DYNC1LI2: variants seen among roughly 807,000 people sequenced by gnomAD.
DYNC1LI2 encodes the protein cytoplasmic dynein 1 light intermediate chain 2.
Under a neutral mutation model 57.8 loss-of-function variants are expected in DYNC1LI2, and 19 were observed. The ratio of observed to expected loss-of-function variants is 0.33; its 90% CI spans 0.23 to 0.48. DYNC1LI2 has a LOEUF of 0.48. Ranked by LOEUF, DYNC1LI2 falls within the 20% of genes least tolerant of loss-of-function variation. DYNC1LI2 has a pLI of 0.99. For missense variants in DYNC1LI2, 470 were observed against 604.2 expected, an observed-to-expected ratio of 0.78 and a Z score of 2.33; for synonymous variants, 256 against 233.4, an observed-to-expected ratio of 1.10 and a Z score of -0.88.
chr16:66,751,396 C>T lies in DYNC1LI2; in HGVS notation c.108-50G>A. Reference sequence around the variant, plus strand: ...TCAGCCCCGGGCCGGGCTGGGATGGCCCGGCTCGCGTCGGCCCCTCAGTGT... The same window carrying T: ...TCAGCCCCGGGCCGGGCTGGGATGGTCCGGCTCGCGTCGGCCCCTCAGTGT... On this transcript the variant is annotated intron_variant, in intron 1 of 12. Transcript: ENST00000258198. The surrounding 1 kb of genome is among the most constrained non-coding windows in gnomAD (Gnocchi z 5.2). The T allele has an allele frequency of 1.9e-6, 3 of 1,598,282 alleles. No homozygotes were observed. The highest frequency in any genetic ancestry group is 2.6e-6 in the Non-Finnish European group (3 of 1,173,920).
In DYNC1LI2 at chr16:66,723,554, G is replaced by A. The variant is rs1364757668; in HGVS notation, c.*168C>T. 13 of 662,398 alleles carry A rather than the reference G, an allele frequency of 2.0e-5. No homozygotes were observed. The Admixed American group carries it at 3.1e-4, about 16-fold the overall frequency. The allele number at this position is 662,398 out of a possible 1,614,324, so 41.0% of individuals were successfully genotyped here. A position where few individuals can be genotyped will look rare whatever the true frequency, so the allele number is the denominator to read the frequency against. On this transcript the variant is annotated 3_prime_UTR_variant, in exon 13 of 13. Coordinates refer to ENST00000258198, the MANE Select transcript of DYNC1LI2 (RefSeq NM_006141.3). ...GGTCTGACATGTAACCTTCCTAAAT[G>A]TGCATTTCACACTCGGACAAGCCAA...
Position 66,751,283 on chromosome 16 carries a change from G to C in DYNC1LI2, c.171C>G (p.Ile57Met). 1 of 1,611,880 alleles carries C rather than the reference G, an allele frequency of 6.2e-7. No individual in the cohort carries two copies. Among genetic ancestry groups the C allele is most frequent in the South Asian group, 1.1e-5 (1 of 90,884 alleles). Residue 57 changes from isoleucine (I) to methionine (M), a missense_variant, in exon 2 of 13, where the codon ATC (isoleucine) becomes ATG (methionine). Physicochemically the swap from Ile to Met is conservative, Grantham distance 10. Coordinates refer to ENST00000258198, the MANE Select transcript of DYNC1LI2 (RefSeq NM_006141.3). This position sits in a 1 kb window ranked among gnomAD's most constrained non-coding sequence, Gnocchi z 5.2. ...ARSKLPSGKN[I>M]LVFGEDGSGK... The stretch of plus-strand genomic sequence containing the variant: ...GCCGCCGGCGCTCACCGAAGACCAG[G>C]ATGTTCTTGCCGGACGGCAGCTTGG...
At chr16:66,732,565 AGTTTT>A in intron 6 of DYNC1LI2, 91 bp from the exon 7 acceptor site, 1 of 1,411,082 alleles carries the variant, frequency 7.1e-7, no homozygotes, top group Non-Finnish European at 9.4e-7. Context: ...TAGGTTGATC[AGTTTT>A]TGATCAATAT....
At chr16:66,726,264 A>C (rs1407726745) in intron 11 of DYNC1LI2, among the ~76,000 whole-genome samples, 1 of 150,470 alleles carries the variant, frequency 6.6e-6, no homozygotes, top group Non-Finnish European at 1.5e-5. Flanking sequence ...TGAAAAGCTC[A>C]CATCCTGAAT....
intron 8 of DYNC1LI2, 79 bp from the exon 9 acceptor site, chr16:66,729,178 G>T: frequency 1.3e-6 from 2 of 1,511,250 alleles, no homozygotes; most frequent in East Asian, 2.2e-5. Flanking sequence ...CGAAAGGAGA[G>T]TCCGAGGCTC....
chr16:66,737,417 G>T (rs1210674128), intron 4 of DYNC1LI2, among the ~76,000 whole-genome samples: 1 of 151,190 alleles, frequency 6.6e-6, no homozygotes, highest in Non-Finnish European at 1.5e-5. Context: ...CCAGCTACTT[G>T]GGAGGCTGAG....
chr16:66,723,355 T>TGGTC lies in DYNC1LI2; in HGVS notation c.*363_*366dup. ...ACAAGTGAATTTACTAACATGAAAC[T>TGGTC]GGTCAGACTAACCATCATCTTACCA... On this transcript the variant is annotated 3_prime_UTR_variant, in exon 13 of 13. Transcript: ENST00000258198. 2.2e-6 allele frequency: 1 copy of TGGTC among 464,170 alleles called. No individual in the cohort carries two copies. Among genetic ancestry groups the TGGTC allele is most frequent in the Middle Eastern group, 3.2e-4 (1 of 3,106 alleles). 28.8% of individuals were successfully genotyped at this position (464,170 alleles called of 1,614,324 possible).
At chr16:66,743,364 C>A (rs892302054) in intron 3 of DYNC1LI2, among the ~76,000 whole-genome samples, 2 of 151,910 alleles carry the variant, frequency 1.3e-5, no homozygotes, top group Non-Finnish European at 2.9e-5. Flanking sequence ...GAGTTCAAGA[C>A]CGGCCTGGCC....
At chr16:66,748,277 C>CAAAAAAA (rs36186799) in intron 3 of DYNC1LI2, among the ~76,000 whole-genome samples, 2 of 66,036 alleles carry the variant, frequency 3.0e-5, no homozygotes, top group Non-Finnish European at 5.9e-5. Context: ...AACCCTGTCT[C>CAAAAAAA]AAAAAAAAAA....
Position 66,730,155 on chromosome 16 carries a change from T to C in DYNC1LI2, c.998A>G (p.Glu333Gly). Residue 333 changes from glutamate (E) to glycine (G), a missense_variant, in exon 8 of 13, where the codon GAA (glutamate) becomes GGA (glycine). Physicochemically the swap from Glu to Gly is moderately conservative, Grantham distance 98 (BLOSUM62 -2). Transcript: ENST00000258198. Reference protein sequence around the residue: ...LHENFTTVKPEDAYEDFIVKP... With the variant: ...LHENFTTVKPGDAYEDFIVKP... ...CACAATAAAGTCTTCATATGCATCT[T>C]CCGGCTTCACGGTTGTAAAATTTTC... is the stretch of plus-strand genomic sequence containing the variant. 6.2e-7 allele frequency: 1 copy of C among 1,614,138 alleles called. No individual in the cohort carries two copies. Among genetic ancestry groups the C allele is most frequent in the Non-Finnish European group, 8.5e-7 (1 of 1,180,012 alleles).
Position 66,736,248 on chromosome 16 carries a change from G to C in DYNC1LI2, c.530-4C>G. The C allele has an allele frequency of 6.2e-7, 1 of 1,607,874 alleles. No homozygotes were observed. Among genetic ancestry groups the C allele is most frequent in the Non-Finnish European group, 8.5e-7 (1 of 1,176,306 alleles). ...TAGTCTTGAAAATCTTTCACAACTGGGGGAAAAAGAGGAAAAAAAATCACA... is the reference window on the plus strand; with the variant it reads ...TAGTCTTGAAAATCTTTCACAACTGCGGGAAAAAGAGGAAAAAAAATCACA... On this transcript the variant is annotated splice_polypyrimidine_tract_variant and splice_region_variant and intron_variant, in intron 4 of 12. Coordinates refer to ENST00000258198, the MANE Select transcript of DYNC1LI2 (RefSeq NM_006141.3).
chr16:66,729,118 G>A lies in DYNC1LI2; in HGVS notation c.1042-19C>T, dbSNP rs983990869. 3 of 1,613,750 alleles carry A rather than the reference G, an allele frequency of 1.9e-6. No homozygotes were observed. Among genetic ancestry groups the A allele is most frequent in the Admixed American group, 1.7e-5 (1 of 60,008 alleles). On this transcript the variant is annotated intron_variant, in intron 8 of 12. Transcript: ENST00000258198. ...GGACCAGCTGTGAAACAACATACATGTTTGTGGCCACAGGCCAAGAATACT... is the reference window on the plus strand; with the variant it reads ...GGACCAGCTGTGAAACAACATACATATTTGTGGCCACAGGCCAAGAATACT...
chr16:66,726,096 A>T, intron 11 of DYNC1LI2, 152 bp from the exon 12 acceptor site: 1 of 741,182 alleles, frequency 1.3e-6, no homozygotes, highest in Non-Finnish European at 2.2e-6. Context: ...TTACACTGCT[A>T]CTGCTGAGGC....
rs2017490004 is a variant in DYNC1LI2 at position 66,723,782 on chromosome 16, A to G, written c.1419T>C (p.Asp473=). ...TVLSNVQEEL[D]RMTRKPDSMV... ...TAGAGTCTGGCTTTCGAGTCATTCT[A>G]TCCAGTTCTTCCTGAACATTTGACA... Residue 473 remains aspartate (D), a synonymous_variant, in exon 13 of 13, where the codon GAT becomes GAC. Coordinates refer to ENST00000258198, the MANE Select transcript of DYNC1LI2 (RefSeq NM_006141.3). 5 of 1,608,648 alleles carry G rather than the reference A, an allele frequency of 3.1e-6. No individual in the cohort carries two copies. The highest frequency in any genetic ancestry group is 1.3e-5 in the African/African-American group (1 of 74,450).
intron 3 of DYNC1LI2, among the ~76,000 whole-genome samples, chr16:66,748,723 C>T (rs761417115): frequency 2.0e-5 from 3 of 152,120 alleles, no homozygotes; most frequent in Non-Finnish European, 4.4e-5. Flanking sequence ...TCACCAAATC[C>T]GGCAGAAACT....
rs1422897312 is a variant in DYNC1LI2, at chr16:66,736,138, C to T, written c.636G>A (p.Leu212=). The T allele has an allele frequency of 6.2e-7, 1 of 1,614,112 alleles. No individual in the cohort carries two copies. Among genetic ancestry groups the T allele is most frequent in the Non-Finnish European group, 8.5e-7 (1 of 1,180,042 alleles). ...TSGSDEENVA[L]PLGDNVLTHN... is the part of the protein sequence containing the mutation. ...GAGTCAGCACATTGTCACCCAGAGG[C>T]AGGGCAACATTTTCTTCATCGGAGC... Residue 212 remains leucine (L), a synonymous_variant, in exon 5 of 13, where the codon CTG becomes CTA. Coordinates refer to ENST00000258198, the MANE Select transcript of DYNC1LI2 (RefSeq NM_006141.3).
At chr16:66,726,699 TG>T (rs2017541756) in intron 11 of DYNC1LI2, among the ~76,000 whole-genome samples, 1 of 152,176 alleles carries the variant, frequency 6.6e-6, no homozygotes, top group Non-Finnish European at 1.5e-5. Context: ...TGGAGTGCAA[TG>T]GCACAATCTC....
chr16:66,742,396 G>C, intron 4 of DYNC1LI2, 42 bp downstream of exon 4: 1 of 1,585,646 alleles, frequency 6.3e-7, no homozygotes, highest in Non-Finnish European at 8.6e-7. Flanking sequence ...CATCTAAAGA[G>C]ACTCGTGAAC....
intron 7 of DYNC1LI2, 92 bp downstream of exon 7, chr16:66,732,243 CACAG>C: frequency 6.9e-6 from 10 of 1,453,586 alleles, no homozygotes; most frequent in Non-Finnish European, 9.2e-6. Context: ...CTGTAGAAGA[CACAG>C]ACAGAAGGCA....
Sources: gnomAD v4.1 joint callset for allele counts (sites outside exome capture counted in the v4.1 genomes callset) on GRCh38, gnomAD v4.1.1 for gene constraint, Gnocchi (gnomAD v3.1) non-coding constraint, MANE v1.5 for transcripts, NCBI Gene and HGNC (gene_info 2026-07-23, HGNC 2026-07-21) for gene names.